The following PCDH10 variants were observed in gnomAD, a reference collection of about 807,000 sequenced individuals.
PCDH10 encodes protocadherin 10, also known as protocadherin-10.
Under a neutral mutation model 74.4 loss-of-function variants are expected in PCDH10, and 15 were observed. That is an observed-to-expected ratio of 0.20 (90% confidence interval 0.13 to 0.31). The LOEUF (loss-of-function observed/expected upper bound fraction) is 0.31. Among genes scored for constraint, PCDH10 ranks in the 10% least tolerant of loss-of-function variants. PCDH10 has a pLI of 1.00. For missense variants in PCDH10, 1,260 were observed against 1,390.2 expected (o/e 0.91, Z 1.49); for synonymous variants, 619 against 589.8 (o/e 1.05, Z -0.72).
rs1395068883 is a variant in PCDH10, at chr4:133,152,838, C to T, written c.2631+67C>T. 2.5e-6 allele frequency: 4 copies of T among 1,600,684 alleles called. 1 individual carries two copies. The South Asian group carries it at 3.4e-5, about 14-fold the overall frequency. ...ATCAGAAAGCCTCCTCTAGCCCGGC[C>T]CTTGTATCTCTGGTGCACTGTATCT... On this transcript the variant is annotated intron_variant, in intron 1 of 4. Transcript: ENST00000264360.
intron 4 of PCDH10, among the ~76,000 whole-genome samples, chr4:133,183,731 C>A (rs188335529): frequency 3.9e-5 from 6 of 152,160 alleles, no homozygotes; most frequent in Admixed American, 3.3e-4. Context: ...TAGGATGGAT[C>A]CATTTCTAAT....
intron 4 of PCDH10, among the ~76,000 whole-genome samples, chr4:133,182,771 G>A (rs1431147123): frequency 1.3e-5 from 2 of 152,012 alleles, no homozygotes; most frequent in Admixed American, 6.6e-5. Flanking sequence ...GTCAAATAGA[G>A]CCTGGTATGG....
chr4:133,154,206 A>G (rs1056704924), intron 1 of PCDH10, 101 bp from the exon 2 acceptor site: 2 of 719,788 alleles, frequency 2.8e-6, no homozygotes, highest in Non-Finnish European at 4.7e-6. Flanking sequence ...ATAAAAATGT[A>G]TACAATTACT....
Position 133,150,041 on chromosome 4 carries a change from T to G in PCDH10, c.-100T>G. The stretch of plus-strand genomic sequence containing the variant: ...CACAGGAGCCCCCACGTAGCGCACT[T>G]TTATTTGTATTTTTTCAGATTTTTT... On this transcript the variant is annotated 5_prime_UTR_variant, in exon 1 of 5. Coordinates refer to ENST00000264360, the MANE Select transcript of PCDH10 (RefSeq NM_032961.3). 7.0e-7 allele frequency: 1 copy of G among 1,437,604 alleles called. No homozygotes were observed. The highest frequency in any genetic ancestry group is 9.1e-7 in the Non-Finnish European group (1 of 1,093,644). The allele number at this position is 1,437,604 out of a possible 1,614,324, so 89.1% of individuals were successfully genotyped here.
intron 4 of PCDH10, among the ~76,000 whole-genome samples, chr4:133,170,084 G>A (rs1006767782): frequency 1.3e-5 from 2 of 152,006 alleles, no homozygotes; most frequent in Non-Finnish European, 2.9e-5. Flanking sequence ...TAGGTGAGGA[G>A]AGTGTAGGAA....
chr4:133,187,781 CTG>C (rs1190370068), intron 4 of PCDH10, among the ~76,000 whole-genome samples: 1 of 152,044 alleles, frequency 6.6e-6, no homozygotes, highest in Non-Finnish European at 1.5e-5. Flanking sequence ...GTTCTTAAAA[CTG>C]TGAACCATTT....
intron 4 of PCDH10, among the ~76,000 whole-genome samples, chr4:133,183,091 A>G (rs1727449547): frequency 6.6e-6 from 1 of 152,098 alleles, no homozygotes; most frequent in Non-Finnish European, 1.5e-5. Context: ...TCAAATAATA[A>G]TATTCAAATG....
Position 133,151,827 on chromosome 4 carries a change from C to A in PCDH10, c.1687C>A (p.Leu563Ile), listed in dbSNP as rs780274523. ...GGCTGGTAACGCCACTGTCAACATC[C>A]TCATAGTGGATCAAAATGACAACGC... ...ALAGNATVNI[L>I]IVDQNDNAPA... Residue 563 changes from leucine (L) to isoleucine (I), a missense_variant, in exon 1 of 5, where the codon CTC (leucine) becomes ATC (isoleucine). Leu to Ile is a conservative substitution (Grantham distance 5). Coordinates refer to ENST00000264360, the MANE Select transcript of PCDH10 (RefSeq NM_032961.3). 8 of 1,613,106 alleles carry A rather than the reference C, an allele frequency of 5.0e-6. No homozygotes were observed. The highest frequency in any genetic ancestry group is 6.8e-6 in the Non-Finnish European group (8 of 1,180,036).
intron 4 of PCDH10, among the ~76,000 whole-genome samples, chr4:133,181,176 A>G (rs1361351197): frequency 1.3e-5 from 2 of 152,142 alleles, no homozygotes; most frequent in Non-Finnish European, 1.5e-5. Context: ...ACTCAAAAAA[A>G]CAGGGATAAA....
chr4:133,174,204 G>T (rs1464436424), intron 4 of PCDH10, among the ~76,000 whole-genome samples: 1 of 151,848 alleles, frequency 6.6e-6, no homozygotes, highest in Non-Finnish European at 1.5e-5. Context: ...AGTCATAATT[G>T]CCTACTACCC....
downstream of PCDH10, among the ~76,000 whole-genome samples, chr4:133,197,321 G>A (rs544249076): frequency 4.6e-5 from 7 of 152,260 alleles, no homozygotes; most frequent in African/African-American, 1.7e-4. Context: ...TCATAAAAAT[G>A]AATTTGGGCA....
rs1432879254 is a variant in PCDH10 at position 133,151,432 on chromosome 4, T to C, written c.1292T>C (p.Leu431Pro). The C allele has an allele frequency of 1.2e-6, 2 of 1,613,932 alleles. No homozygotes were observed. The highest frequency in any genetic ancestry group is 2.2e-5 in the East Asian group (1 of 44,866). ...CGAGAGGCGGGGGACTCCTACACCC[T>C]GACTGTAGTGGCTCGGGACCGGGGC... ...LDREAGDSYT[L>P]TVVARDRGEP... The change falls in exon 1 of 5, where the codon CTG (leucine) becomes CCG (proline). Residue 431 changes from leucine (L) to proline (P), a missense_variant. Around this residue, in one of 11 missense-constraint regions of PCDH10, gnomAD observed 112 missense variants for 123.6 expected, o/e 0.91. Transcript: ENST00000264360.
At chr4:133,164,345 G>A (rs962240995) in intron 4 of PCDH10, among the ~76,000 whole-genome samples, 2 of 151,958 alleles carry the variant, frequency 1.3e-5, no homozygotes, top group East Asian at 1.9e-4. Context: ...AACATGATGC[G>A]ATCTTTGCCT....
chr4:133,175,632 G>C (rs908769470), intron 4 of PCDH10, among the ~76,000 whole-genome samples: 2 of 152,082 alleles, frequency 1.3e-5, no homozygotes, highest in Non-Finnish European at 2.9e-5. Context: ...AACTCTGGTT[G>C]ATAATGTAAA....
chr4:133,204,319 A>T (rs1336450458), intron 2 of PCDH10, among the ~76,000 whole-genome samples: 1 of 152,146 alleles, frequency 6.6e-6, no homozygotes, highest in African/African-American at 2.4e-5. Context: ...GTACAGTCAC[A>T]GTTAACATCC....
At chr4:133,199,306 A>T (rs1253616143), downstream of PCDH10, among the ~76,000 whole-genome samples, 1 of 146,994 alleles carries the variant, frequency 6.8e-6, no homozygotes, top group African/African-American at 2.5e-5. Context: ...AATAATAATA[A>T]TAATAATAAT....
chr4:133,163,263 T>C lies in PCDH10; in HGVS notation c.3084T>C (p.Pro1028=). 2 of 1,611,790 alleles carry C rather than the reference T, an allele frequency of 1.2e-6. No homozygotes were observed. The highest frequency in any genetic ancestry group is 1.7e-6 in the Non-Finnish European group (2 of 1,178,842). The stretch of plus-strand genomic sequence containing the variant: ...GACTGCTGACTAATACGCGAGCGCC[T>C]TACAAACCACCATATTTGAGTAAGT... ...LDGLLTNTRA[P]YKPPYLTRKR... The change falls in exon 4 of 5, where the codon CCT becomes CCC. Residue 1028 remains proline, a synonymous_variant. Coordinates refer to ENST00000264360, the MANE Select transcript of PCDH10 (RefSeq NM_032961.3).
chr4:133,182,287 A>G (rs1215280816), intron 4 of PCDH10, among the ~76,000 whole-genome samples: 1 of 152,086 alleles, frequency 6.6e-6, no homozygotes, highest in Admixed American at 6.6e-5. Context: ...TAGTCTTCTT[A>G]TAATATTGTT....
intron 2 of PCDH10, among the ~76,000 whole-genome samples, chr4:133,207,231 T>C (rs1464229218): frequency 2.0e-5 from 3 of 152,050 alleles, no homozygotes; most frequent in Non-Finnish European, 2.9e-5. Context: ...TATATTATAA[T>C]ATAAAACTCA....
Sources: gnomAD v4.1 joint callset for allele counts (sites outside exome capture counted in the v4.1 genomes callset) on GRCh38, gnomAD v4.1.1 for gene constraint, gnomAD v4.1.1 regional missense constraint, MANE v1.5 for transcripts, NCBI Gene and HGNC (gene_info 2026-07-23, HGNC 2026-07-21) for gene names.